The following NDST4 variants were observed in gnomAD, a reference collection of about 807,000 sequenced individuals.
The protein encoded by NDST4 is N-deacetylase and N-sulfotransferase 4.
A neutral mutation model predicts 100.8 loss-of-function variants in NDST4; 63 were observed. The observed-to-expected ratio is 0.62, with a 90% CI of 0.51 to 0.77. The LOEUF (loss-of-function observed/expected upper bound fraction) is 0.77. NDST4 is among the 30% of genes least tolerant of loss of function. The pLI is 0.00. For missense variants in NDST4, 943 were observed against 1,018.4 expected, an observed-to-expected ratio of 0.93 and a Z score of 1.01; for synonymous variants, 377 against 361.8, an observed-to-expected ratio of 1.04 and a Z score of -0.48.
intron 7 of NDST4, among the ~76,000 whole-genome samples, chr4:114,866,439 C>T (rs1724027516): frequency 6.6e-6 from 1 of 152,186 alleles, no homozygotes; most frequent in Non-Finnish European, 1.5e-5. Context: ...GCATTCAAAG[C>T]TTCCCGCACT....
At chr4:114,910,278 GCTCAT>G (rs1254637459) in intron 6 of NDST4, among the ~76,000 whole-genome samples, 2 of 152,154 alleles carry the variant, frequency 1.3e-5, no homozygotes, top group East Asian at 3.9e-4. Context: ...AAAAAGTAAA[GCTCAT>G]CTCATTCATT....
In NDST4 at chr4:115,015,950, C is replaced by G. The variant is rs1727667612; in HGVS notation, c.979-38676G>C. 2.0e-5 allele frequency among the ~76,000 whole-genome samples: 3 copies of G among 152,010 alleles called. 1 individual carries two copies. The highest frequency in any genetic ancestry group is 2.0e-4 in the Admixed American group (3 of 15,220). ...GTATGTTGATTACATTGGACCACTT[C>G]TAGCATGGAAGGAGCAGCATTTTGT... On this transcript the variant is annotated intron_variant, in intron 2 of 13. Transcript: ENST00000264363.
intron 1 of NDST4, among the ~76,000 whole-genome samples, chr4:115,089,566 G>T (rs976676052): frequency 1.3e-5 from 2 of 151,588 alleles, no homozygotes; most frequent in Admixed American, 1.3e-4. Context: ...TACATAACTG[G>T]TTTATGTGTC....
At chr4:114,925,589 A>G (rs912442998) in intron 6 of NDST4, among the ~76,000 whole-genome samples, 2 of 152,160 alleles carry the variant, frequency 1.3e-5, no homozygotes, top group African/African-American at 4.8e-5. Context: ...CAGACAGCAC[A>G]CGGAGAAGTT....
At chr4:115,084,792 C>T (rs754372814) in intron 1 of NDST4, among the ~76,000 whole-genome samples, 10 of 152,168 alleles carry the variant, frequency 6.6e-5, no homozygotes, top group Non-Finnish European at 1.3e-4. Flanking sequence ...GTCTGGATGT[C>T]CAGGCAAAAG....
At chr4:114,864,709 A>G (rs955087833) in intron 7 of NDST4, among the ~76,000 whole-genome samples, 1 of 152,178 alleles carries the variant, frequency 6.6e-6, no homozygotes, top group Non-Finnish European at 1.5e-5. Flanking sequence ...GTGTGAGTAC[A>G]CTGATCCATA....
At chr4:114,844,994 T>C (rs922472125) in intron 10 of NDST4, among the ~76,000 whole-genome samples, 9 of 152,130 alleles carry the variant, frequency 5.9e-5, no homozygotes, top group Non-Finnish European at 1.3e-4. Flanking sequence ...AATCACTTTC[T>C]TGCCAGCAGA....
chr4:114,889,112 G>A (rs1046450575), intron 6 of NDST4, among the ~76,000 whole-genome samples: 2 of 151,982 alleles, frequency 1.3e-5, no homozygotes, highest in Admixed American at 1.3e-4. Flanking sequence ...ATACACATAT[G>A]TATTTCCAAA....
Position 115,008,644 on chromosome 4 carries a change from C to G in NDST4, c.979-31370G>C, listed in dbSNP as rs1465489383. On this transcript the variant is annotated intron_variant, in intron 2 of 13. Transcript: ENST00000264363. ...GGCACAAGACAGGGATGCCCTCTCTCACCACTCCTATTCAACATAGTGTTG... is the reference window on the plus strand; with the variant it reads ...GGCACAAGACAGGGATGCCCTCTCTGACCACTCCTATTCAACATAGTGTTG... 3.1e-5 allele frequency among the ~76,000 whole-genome samples: 4 copies of G among 128,526 alleles called. 1 individual carries two copies. Among genetic ancestry groups the G allele is most frequent in the Non-Finnish European group, 1.7e-5 (1 of 60,210 alleles). 84.3% of individuals were successfully genotyped at this position (128,526 alleles called of 152,430 possible).
At chr4:114,908,177 G>C (rs531886821) in intron 6 of NDST4, among the ~76,000 whole-genome samples, 4 of 152,140 alleles carry the variant, frequency 2.6e-5, no homozygotes, top group African/African-American at 9.6e-5. Context: ...AATAAATTCT[G>C]ACATCAGGGG....
chr4:114,868,882 G>T (rs1391640409), intron 7 of NDST4, among the ~76,000 whole-genome samples: 1 of 150,116 alleles, frequency 6.7e-6, no homozygotes, highest in African/African-American at 2.4e-5. Context: ...CTCTTATGAT[G>T]AACTTCCTAG....
At chr4:114,977,505 T>G (rs1045788836) in intron 2 of NDST4, among the ~76,000 whole-genome samples, 1 of 151,996 alleles carries the variant, frequency 6.6e-6, no homozygotes, top group African/African-American at 2.4e-5. Context: ...CATTTTGCAT[T>G]GCTGAGAGGC....
At chr4:115,037,299 T>A (rs28549023) in intron 2 of NDST4, among the ~76,000 whole-genome samples, 5,974 of 152,170 alleles carry the variant, frequency 0.039, 425 homozygotes, top group African/African-American at 0.14. Context: ...AATGTACCAC[T>A]TGGGAAGAGA....
At chr4:115,012,251 A>AT (rs1727566100) in intron 2 of NDST4, among the ~76,000 whole-genome samples, 1 of 151,986 alleles carries the variant, frequency 6.6e-6, no homozygotes, top group South Asian at 2.1e-4. Context: ...TTCTGAGACC[A>AT]TTTTTTACAA....
At chr4:115,079,855 C>T (rs1409356193) in intron 1 of NDST4, among the ~76,000 whole-genome samples, 1 of 152,024 alleles carries the variant, frequency 6.6e-6, no homozygotes, top group African/African-American at 2.4e-5. Flanking sequence ...AATACTTAAC[C>T]TCATTAGTAA....
intron 2 of NDST4, among the ~76,000 whole-genome samples, chr4:115,015,492 T>C (rs576302879): frequency 2.0e-5 from 3 of 152,188 alleles, no homozygotes; most frequent in South Asian, 4.1e-4. Context: ...CTGTGGCCAA[T>C]GGTGTTTGTT....
At chr4:115,049,186 C>G (rs574869927) in intron 2 of NDST4, among the ~76,000 whole-genome samples, 3 of 151,986 alleles carry the variant, frequency 2.0e-5, no homozygotes, top group Non-Finnish European at 4.4e-5. Flanking sequence ...ACTTTGGTTT[C>G]GCAGCCCAGA....
chr4:114,929,874 T>C (rs1725476735), intron 6 of NDST4, among the ~76,000 whole-genome samples: 1 of 152,138 alleles, frequency 6.6e-6, no homozygotes, highest in African/African-American at 2.4e-5. Context: ...AGACAAACAT[T>C]CAAGTAATAA....
intron 1 of NDST4, among the ~76,000 whole-genome samples, chr4:115,097,352 C>T (rs1277718349): frequency 6.6e-6 from 1 of 152,070 alleles, no homozygotes; most frequent in East Asian, 1.9e-4. Context: ...TTTCCTTTAT[C>T]CTAAACTTAT....
Sources: gnomAD v4.1 joint callset for allele counts (sites outside exome capture counted in the v4.1 genomes callset) on GRCh38, gnomAD v4.1.1 for gene constraint, MANE v1.5 for transcripts, NCBI Gene and HGNC (gene_info 2026-07-23, HGNC 2026-07-21) for gene names.